Variants in ATAD2B observed in about 807,000 individuals in gnomAD.
The protein encoded by ATAD2B is ATPase family AAA domain containing 2B.
A neutral mutation model predicts 167.6 loss-of-function variants in ATAD2B; 40 were observed. That is an observed-to-expected ratio of 0.24 (90% CI 0.19 to 0.31). ATAD2B has a LOEUF of 0.31. Among genes scored for constraint, ATAD2B ranks in the 10% least tolerant of loss-of-function variants. The probability of loss-of-function intolerance (pLI) is 1.00; values close to 1 mark genes in which losing one functional copy is unlikely to be tolerated. For synonymous variants in ATAD2B, 579 were observed against 596.5 expected, an observed-to-expected ratio of 0.97 and a Z score of 0.43; for missense variants, 1,242 against 1,757.2, an observed-to-expected ratio of 0.71 and a Z score of 5.24.
In ATAD2B at chr2:23,788,517, T is replaced by A. The variant is rs188783571; in HGVS notation, c.2771A>T (p.His924Leu). Residue 924 changes from histidine (H) to leucine (L), a missense_variant, in exon 20 of 28, where the codon CAT (histidine) becomes CTT (leucine). Physicochemically the swap from His to Leu is moderately conservative, Grantham distance 99. Transcript: ENST00000238789. ...AAAGGCTTTACAAACTTTACCAGCA[T>A]GTTTCCTTCGTGGTGGAGCCATTGA... ...QASMAPPRRKHAALCAMEVLP... is the reference protein window; with the variant it reads ...QASMAPPRRKLAALCAMEVLP... 10 of 1,612,872 alleles carry A rather than the reference T, an allele frequency of 6.2e-6. No individual in the cohort carries two copies. The African/African-American group carries it at 9.3e-5, about 15-fold the overall frequency.
intron 1 of ATAD2B, among the ~76,000 whole-genome samples, chr2:23,905,446 C>A (rs1165322231): frequency 6.6e-6 from 1 of 152,126 alleles, no homozygotes; most frequent in Non-Finnish European, 1.5e-5. Context: ...ATCGCTTGAG[C>A]CAGGGAGGTC....
intron 6 of ATAD2B, 55 bp downstream of exon 6, chr2:23,884,706 TTTTA>T (rs1698432456): frequency 3.1e-6 from 3 of 952,826 alleles, no homozygotes; most frequent in Non-Finnish European, 4.6e-6. Flanking sequence ...TACTTGTATA[TTTTA>T]TTTTTCTTCC....
the ATAD2B span, among the ~76,000 whole-genome samples, chr2:23,688,576 G>A: frequency 1.8e-3 from 278 of 152,172 alleles, no homozygotes; most frequent in African/African-American, 6.4e-3. Context: ...GCTGCGTCCC[G>A]GACTCTGGCC....
intron 1 of ATAD2B, among the ~76,000 whole-genome samples, chr2:23,923,981 C>A (rs772658870): frequency 6.6e-6 from 1 of 152,074 alleles, no homozygotes; most frequent in Non-Finnish European, 1.5e-5. Context: ...AGGAGATCGA[C>A]ACCATCCTGG....
the ATAD2B span, among the ~76,000 whole-genome samples, chr2:23,704,153 G>T: frequency 6.6e-6 from 1 of 152,222 alleles, no homozygotes; most frequent in Non-Finnish European, 1.5e-5. Flanking sequence ...GAGAGGTGAG[G>T]TCAGCTTCCC....
At position 23,766,914 on chromosome 2, in the gene ATAD2B, A is replaced by AG. The variant is rs1156560332; in HGVS notation, c.3134-1287dup. Among the ~76,000 whole-genome samples the AG allele has an allele frequency of 5.1e-4, 46 of 89,622 alleles. No individual in the cohort carries two copies. The South Asian group carries it at 5.5e-3, about 11-fold the overall frequency. The allele number at this position is 89,622 out of a possible 152,430, so 58.8% of individuals were successfully genotyped here. A position where few individuals can be genotyped will look rare whatever the true frequency, so the allele number is the denominator to read the frequency against. ...GACTGGAGTAGCTACTGAAAGAGTAAGGGGGGAAAAAAAAAAAAACAACTA... is the reference window on the plus strand; with the variant it reads ...GACTGGAGTAGCTACTGAAAGAGTAAGGGGGGGAAAAAAAAAAAAACAACTA... On this transcript the variant is annotated intron_variant, in intron 22 of 27. Transcript: ENST00000238789.
At chr2:23,687,375 G>A in the ATAD2B span, among the ~76,000 whole-genome samples, 2 of 152,208 alleles carry the variant, frequency 1.3e-5, no homozygotes, top group Admixed American at 1.3e-4. Context: ...CAGCCCCAGG[G>A]AGGACAATGA....
chr2:23,888,505 G>C (rs1573271468), intron 2 of ATAD2B, 106 bp from the exon 3 acceptor site: 2 of 727,232 alleles, frequency 2.8e-6, no homozygotes, highest in African/African-American at 1.9e-5. Context: ...TTTTTTAAAA[G>C]TAAAGATAAC....
At chr2:23,897,532 CAG>C (rs1329151925) in intron 1 of ATAD2B, among the ~76,000 whole-genome samples, 11 of 152,292 alleles carry the variant, frequency 7.2e-5, no homozygotes, top group Admixed American at 3.3e-4. Flanking sequence ...GGCATTTTAA[CAG>C]AGAGCTTAAC....
At chr2:23,813,109 CT>C (rs1242721993) in intron 17 of ATAD2B, among the ~76,000 whole-genome samples, 5 of 151,850 alleles carry the variant, frequency 3.3e-5, no homozygotes, top group Admixed American at 3.3e-4. Context: ...ATGTGTCCTA[CT>C]TTATACTGAA....
chr2:23,711,581 G>A, the ATAD2B span, among the ~76,000 whole-genome samples: 2 of 151,816 alleles, frequency 1.3e-5, no homozygotes, highest in African/African-American at 4.8e-5. Flanking sequence ...ATGTTGGCCA[G>A]GCTGGTCTCG....
At chr2:23,708,329 G>T in the ATAD2B span, 2 of 152,226 alleles carry the variant, frequency 1.3e-5, no homozygotes, top group Non-Finnish European at 1.5e-5. Context: ...CAGGGTGCAA[G>T]TGTGAACCCA....
intron 18 of ATAD2B, among the ~76,000 whole-genome samples, chr2:23,801,610 T>C (rs1296263950): frequency 6.6e-6 from 1 of 152,060 alleles, no homozygotes; most frequent in Non-Finnish European, 1.5e-5. Flanking sequence ...TACCAGCATA[T>C]GTGAACTGTT....
At chr2:23,698,836 C>G in the ATAD2B span, among the ~76,000 whole-genome samples, 1 of 152,186 alleles carries the variant, frequency 6.6e-6, no homozygotes, top group Non-Finnish European at 1.5e-5. Flanking sequence ...GCTTGGCAAT[C>G]AGCCACCTGG....
At chr2:23,807,828 A>ATATAT (rs1414215585) in intron 18 of ATAD2B, among the ~76,000 whole-genome samples, 10 of 119,028 alleles carry the variant, frequency 8.4e-5, no homozygotes, top group African/African-American at 3.4e-4. Flanking sequence ...AAAAAAAAAA[A>ATATAT]ATATATATAT....
At chr2:23,780,267 T>TTGTGTG (rs67788174) in intron 22 of ATAD2B, among the ~76,000 whole-genome samples, 5,123 of 144,032 alleles carry the variant, frequency 0.036, 100 homozygotes, top group South Asian at 0.051. Flanking sequence ...AAGTATATAC[T>TTGTGTG]TGTGTGTGTG....
chr2:23,922,423 T>C (rs1220168968), intron 1 of ATAD2B, among the ~76,000 whole-genome samples: 1 of 151,826 alleles, frequency 6.6e-6, no homozygotes, highest in South Asian at 2.1e-4. Flanking sequence ...TCTAACTGCA[T>C]AGCACTAAAA....
chr2:23,753,144 AAACT>A (rs1162993054), intron 27 of ATAD2B, among the ~76,000 whole-genome samples: 1 of 152,170 alleles, frequency 6.6e-6, no homozygotes, highest in Non-Finnish European at 1.5e-5. Flanking sequence ...CATCTCTGCA[AAACT>A]AACAGGCTGT....
intron 15 of ATAD2B, among the ~76,000 whole-genome samples, chr2:23,826,753 G>C (rs1007018499): frequency 6.6e-6 from 1 of 152,124 alleles, no homozygotes; most frequent in Non-Finnish European, 1.5e-5. Flanking sequence ...AATATGATTA[G>C]AGTTGAGTGT....
Sources: allele counts gnomAD v4.1 joint callset (sites outside exome capture counted in the v4.1 genomes callset), GRCh38; gene constraint gnomAD v4.1.1; transcripts MANE v1.5; gene names NCBI Gene and HGNC (gene_info 2026-07-23, HGNC 2026-07-21).